The following CAMTA1 variants were observed in gnomAD, a reference collection of about 807,000 sequenced individuals.
CAMTA1 encodes the protein calmodulin-binding transcription activator 1.
CAMTA1 carries 27 observed loss-of-function variants against 170.9 expected under a neutral mutation model. The observed-to-expected ratio is 0.16, with a 90% CI of 0.12 to 0.22. The LOEUF (loss-of-function observed/expected upper bound fraction) is 0.22, where lower values mean the gene tolerates loss of function less well. Ranked by LOEUF, CAMTA1 falls within the 10% of genes least tolerant of loss-of-function variation. The pLI, the probability that CAMTA1 is intolerant of heterozygous loss-of-function variation, is 1.00. For missense variants in CAMTA1, 1,619 were observed against 2,217.2 expected (o/e 0.73, Z 5.42); for synonymous variants, 833 against 891.5 (o/e 0.93, Z 1.17).
At chr1:7,690,655 C>A (rs982215383) in intron 11 of CAMTA1, among the ~76,000 whole-genome samples, 1 of 152,254 alleles carries the variant, frequency 6.6e-6, no homozygotes, top group Non-Finnish European at 1.5e-5. Flanking sequence ...GACATCTGCA[C>A]ATGCACCACC....
At chr1:7,244,658 A>G (rs1055529985) in intron 4 of CAMTA1, among the ~76,000 whole-genome samples, 2 of 151,036 alleles carry the variant, frequency 1.3e-5, no homozygotes, top group South Asian at 2.1e-4. Flanking sequence ...ACCAAACACC[A>G]CATGTTCTCA....
chr1:6,944,403 G>A (rs866795887), intron 3 of CAMTA1, among the ~76,000 whole-genome samples: 6 of 152,134 alleles, frequency 3.9e-5, no homozygotes, highest in African/African-American at 2.4e-5. Flanking sequence ...TCTCTCAGTG[G>A]AGAAGCCCAA....
chr1:7,654,807 CCA>C (rs1284936693), intron 7 of CAMTA1, among the ~76,000 whole-genome samples: 2 of 18,868 alleles, frequency 1.1e-4, no homozygotes, highest in African/African-American at 2.3e-4. Context: ...ATACACACAC[CCA>C]CACACACCAC....
rs34313253 is a variant in CAMTA1, at chr1:6,801,814, T to TA, written c.45+16253dup. Among the ~76,000 whole-genome samples the TA allele has an allele frequency of 5.6e-3, 793 of 141,322 alleles. 1 individual carries two copies. The highest frequency in any genetic ancestry group is 5.1e-3 in the African/African-American group (195 of 38,356). 92.7% of individuals were successfully genotyped at this position (141,322 alleles called of 152,430 possible). On this transcript the variant is annotated intron_variant, in intron 1 of 22. Coordinates refer to ENST00000303635, the MANE Select transcript of CAMTA1 (RefSeq NM_015215.4). ...TAAATAAACTGTCAGAATCACACATTAAAAAAAAAAAAAAGTGATGGTAAT... is the reference window on the plus strand; with the variant it reads ...TAAATAAACTGTCAGAATCACACATTAAAAAAAAAAAAAAAGTGATGGTAAT...
chr1:6,870,655 GA>G (rs1457624421), intron 3 of CAMTA1, among the ~76,000 whole-genome samples: 1 of 152,194 alleles, frequency 6.6e-6, no homozygotes, highest in Non-Finnish European at 1.5e-5. Context: ...AATGTAAGAA[GA>G]AATGGCAAGT....
In CAMTA1 at chr1:7,665,284, C is replaced by A. The variant is rs1270285114; in HGVS notation, c.2652+85C>A. 2 of 1,140,482 alleles carry A rather than the reference C, an allele frequency of 1.8e-6. No homozygotes were observed. The highest frequency in any genetic ancestry group is 2.3e-6 in the Non-Finnish European group (2 of 857,930). The allele number at this position is 1,140,482 out of a possible 1,614,324, so 70.6% of individuals were successfully genotyped here. A position where few individuals can be genotyped will look rare whatever the true frequency, so the allele number is the denominator to read the frequency against. On this transcript the variant is annotated intron_variant, in intron 9 of 22. Transcript: ENST00000303635. This position sits in a 1 kb window ranked among gnomAD's most constrained non-coding sequence, Gnocchi z 4.3. ...TGCGCCACCCTGCAGCTAAGGGATGCCTGTGGCTGCCCTTCAGAGGAAGCT... is the reference window on the plus strand; with the variant it reads ...TGCGCCACCCTGCAGCTAAGGGATGACTGTGGCTGCCCTTCAGAGGAAGCT...
At chr1:7,139,109 TAAAC>T (rs1173610007) in intron 4 of CAMTA1, among the ~76,000 whole-genome samples, 3 of 136,966 alleles carry the variant, frequency 2.2e-5, no homozygotes, top group South Asian at 2.2e-4. Flanking sequence ...ATTTATAAAA[TAAAC>T]AAAATATATT....
rs1441993541 is a variant in CAMTA1, at chr1:7,392,830, C to T, written c.439-75000C>T. ...CAGAGATTGCAGTGAGCCGAGATCA[C>T]GCCACTGAGCTCCAGCCTGGACGAC... On this transcript the variant is annotated intron_variant, in intron 5 of 22. Coordinates refer to ENST00000303635, the MANE Select transcript of CAMTA1 (RefSeq NM_015215.4). Among the ~76,000 whole-genome samples, 4 of 151,948 alleles carry T rather than the reference C, an allele frequency of 2.6e-5. No homozygotes were observed. The South Asian group carries it at 6.2e-4, about 24-fold the overall frequency.
rs1258729973 is a variant in CAMTA1 at position 7,413,053 on chromosome 1, A to T, written c.439-54777A>T. Among the ~76,000 whole-genome samples, 15 of 150,542 alleles carry T rather than the reference A, an allele frequency of 1.0e-4. 1 individual carries two copies. The East Asian group carries it at 2.9e-3, about 29-fold the overall frequency. ...CTTGTTTTTCTCAGGTTTGTCAAAG[A>T]TCAGATAGTTGTAGACATGCAGCAT... On this transcript the variant is annotated intron_variant, in intron 5 of 22. Coordinates refer to ENST00000303635, the MANE Select transcript of CAMTA1 (RefSeq NM_015215.4).
intron 5 of CAMTA1, among the ~76,000 whole-genome samples, chr1:7,276,547 G>A (rs1670759399): frequency 6.6e-6 from 1 of 151,674 alleles, no homozygotes; most frequent in Non-Finnish European, 1.5e-5. Context: ...CTGACCTCGT[G>A]ATCCGCTTGC....
intron 3 of CAMTA1, among the ~76,000 whole-genome samples, chr1:6,953,326 T>C (rs1688837929): frequency 6.6e-6 from 1 of 152,200 alleles, no homozygotes; most frequent in South Asian, 2.1e-4. Flanking sequence ...TGTGGAGACC[T>C]GGAAGGACTT....
Position 7,113,166 on chromosome 1 carries a change from T to C in CAMTA1, c.302+21795T>C, listed in dbSNP as rs1427115516. On this transcript the variant is annotated intron_variant, in intron 4 of 22. Coordinates refer to ENST00000303635, the MANE Select transcript of CAMTA1 (RefSeq NM_015215.4). This position sits in a 1 kb window ranked among gnomAD's most constrained non-coding sequence, Gnocchi z 4.5. ...TTCAGTGAAACCCAGTCTAACTTTA[T>C]TAAGGCCAGAATCATCCTTTTCTGT... is the stretch of plus-strand genomic sequence containing the variant. Among the ~76,000 whole-genome samples, 1 of 152,224 alleles carries C rather than the reference T, an allele frequency of 6.6e-6. No individual in the cohort carries two copies. The highest frequency in any genetic ancestry group is 1.5e-5 in the Non-Finnish European group (1 of 68,030).
intron 3 of CAMTA1, among the ~76,000 whole-genome samples, chr1:6,831,286 A>C (rs1184262404): frequency 6.6e-6 from 1 of 152,264 alleles, no homozygotes; most frequent in African/African-American, 2.4e-5. Flanking sequence ...TTCATTAAAG[A>C]ACCTACTCTT....
In CAMTA1 at chr1:7,007,123, G is replaced by A. The variant is rs989491531; in HGVS notation, c.235-84181G>A. ...GGGCCAAGGGGATGGATGATGGCTC[G>A]TGGTTGTTTGGTGGGCACCATGCTA... is the stretch of plus-strand genomic sequence containing the variant. On this transcript the variant is annotated intron_variant, in intron 3 of 22. Coordinates refer to ENST00000303635, the MANE Select transcript of CAMTA1 (RefSeq NM_015215.4). This position sits in a 1 kb window ranked among gnomAD's most constrained non-coding sequence, Gnocchi z 4.5. 6.6e-6 allele frequency among the ~76,000 whole-genome samples: 1 copy of A among 152,114 alleles called. No homozygotes were observed. The highest frequency in any genetic ancestry group is 2.4e-5 in the African/African-American group (1 of 41,404).
intron 11 of CAMTA1, among the ~76,000 whole-genome samples, chr1:7,718,246 A>T (rs550127395): frequency 1.3e-5 from 2 of 152,080 alleles, no homozygotes; most frequent in Admixed American, 1.3e-4. Context: ...TGTTCCGTAA[A>T]CACAGTGGGC....
intron 6 of CAMTA1, among the ~76,000 whole-genome samples, chr1:7,546,898 C>A (rs2094701150): frequency 6.6e-6 from 1 of 152,292 alleles, no homozygotes; most frequent in African/African-American, 2.4e-5. Flanking sequence ...TGCAAGGCTT[C>A]TCCACTGTAA....
At chr1:7,387,105 C>G (rs957336095) in intron 5 of CAMTA1, among the ~76,000 whole-genome samples, 1 of 152,118 alleles carries the variant, frequency 6.6e-6, no homozygotes, top group East Asian at 1.9e-4. Context: ...CTGGGTGGAA[C>G]TCACCCATTC....
intron 5 of CAMTA1, among the ~76,000 whole-genome samples, chr1:7,282,478 G>A (rs1193498749): frequency 1.3e-5 from 2 of 152,166 alleles, no homozygotes; most frequent in Non-Finnish European, 2.9e-5. Flanking sequence ...AACTGGACGG[G>A]TGGTTTCTAT....
At chr1:6,821,220 C>T (rs554715455) in intron 2 of CAMTA1, among the ~76,000 whole-genome samples, 187 of 152,212 alleles carry the variant, frequency 1.2e-3, no homozygotes, top group African/African-American at 4.4e-3. Context: ...TGTAGAATTA[C>T]TACTGGGTTT....
Sources: gnomAD v4.1 joint callset for allele counts (sites outside exome capture counted in the v4.1 genomes callset) on GRCh38, gnomAD v4.1.1 for gene constraint, Gnocchi (gnomAD v3.1) non-coding constraint, MANE v1.5 for transcripts, NCBI Gene and HGNC (gene_info 2026-07-23, HGNC 2026-07-21) for gene names.